Variants in TCF7L2 observed in about 807,000 individuals in gnomAD.
TCF7L2 encodes transcription factor 7-like 2.
Under a neutral mutation model 77.9 loss-of-function variants are expected in TCF7L2, and 23 were observed. The ratio of observed to expected loss-of-function variants is 0.30; its 90% confidence interval spans 0.21 to 0.42. The LOEUF (loss-of-function observed/expected upper bound fraction) is 0.42. Ranked by LOEUF, TCF7L2 falls within the 10% of genes least tolerant of loss-of-function variation. TCF7L2 has a pLI of 1.00. For synonymous variants in TCF7L2, 413 were observed against 340.2 expected, an observed-to-expected ratio of 1.21 and a Z score of -2.36; for missense variants, 654 against 793.1, an observed-to-expected ratio of 0.82 and a Z score of 2.11.
intron 5 of TCF7L2, among the ~76,000 whole-genome samples, chr10:113,051,608 C>T (rs1404743791): frequency 6.6e-6 from 1 of 152,168 alleles, no homozygotes; most frequent in Non-Finnish European, 1.5e-5. Flanking sequence ...GGTTTGTGGT[C>T]GTCTGAGGAC....
At position 112,979,716 on chromosome 10, in the gene TCF7L2, A is replaced by G. The variant is rs898825325; in HGVS notation, c.450+15092A>G. 2.0e-5 allele frequency among the ~76,000 whole-genome samples: 3 copies of G among 152,052 alleles called. No homozygotes were observed. The South Asian group carries it at 6.2e-4, about 31-fold the overall frequency. ...GGTTGCAGTGAGCAGAGATGGCGCCACTGTACTCCAGCCTAGGTGACGGAG... is the reference window on the plus strand; with the variant it reads ...GGTTGCAGTGAGCAGAGATGGCGCCGCTGTACTCCAGCCTAGGTGACGGAG... On this transcript the variant is annotated intron_variant, in intron 4 of 13. Transcript: ENST00000627217.
rs534496704 is a variant in TCF7L2 at position 113,017,511 on chromosome 10, G to T, written c.451-22514G>T. ...CATCTTTAAATACAAATTCTTGGGG[G>T]AACCCTGTGTTCCTTGGCTGGAGCC... On this transcript the variant is annotated intron_variant, in intron 4 of 13. Coordinates refer to ENST00000627217, the MANE Select transcript of TCF7L2 (RefSeq NM_001146274.2). Among the ~76,000 whole-genome samples the T allele has an allele frequency of 2.0e-4, 30 of 152,328 alleles. No individual in the cohort carries two copies. In the South Asian group the frequency reaches 6.0e-3, roughly 31 times the overall value.
At chr10:113,110,741 G>T (rs2063023664) in intron 5 of TCF7L2, among the ~76,000 whole-genome samples, 2 of 152,182 alleles carry the variant, frequency 1.3e-5, no homozygotes, top group African/African-American at 4.8e-5. Flanking sequence ...AAGTATGGAA[G>T]TACAAGAAAG....
rs1356500208 is a variant in TCF7L2, at chr10:113,165,635, A to G, written c.1472A>G (p.Asp491Gly). 1.2e-6 allele frequency: 2 copies of G among 1,613,186 alleles called. No homozygotes were observed. The highest frequency in any genetic ancestry group is 1.7e-5 in the Admixed American group (1 of 59,898). Residue 491 changes from aspartate (D) to glycine (G), a missense_variant, in exon 14 of 14, where the codon GAT (aspartate) becomes GGT (glycine). By Grantham distance (94) the Asp-to-Gly change is moderately conservative. Transcript: ENST00000627217. ...CCCTCTTCAGATGGAAGCTTACTAG[A>G]TTCGCCTCCCCCCTCCCCGAACCTG...
intron 3 of TCF7L2, chr10:112,951,894 G>C (rs1199982463): frequency 1.2e-5 from 1 of 86,920 alleles, no homozygotes; most frequent in Non-Finnish European, 2.8e-5. Context: ...TTGGTGGGGA[G>C]GGGGGGGAAT....
intron 4 of TCF7L2, among the ~76,000 whole-genome samples, chr10:112,974,984 C>CT (rs35180958): frequency 0.64 from 93,656 of 147,140 alleles, 30,188 homozygotes; most frequent in African/African-American, 0.74. Flanking sequence ...TTTTCTTTTT[C>CT]TTTTTTTTTT....
At chr10:112,998,156 C>G (rs983423326) in intron 4 of TCF7L2, among the ~76,000 whole-genome samples, 1 of 149,118 alleles carries the variant, frequency 6.7e-6, no homozygotes. Context: ...CCAGTCTAGG[C>G]TTGAACTCCT....
At chr10:113,009,475 G>C (rs535968523) in intron 4 of TCF7L2, among the ~76,000 whole-genome samples, 1 of 152,306 alleles carries the variant, frequency 6.6e-6, no homozygotes, top group South Asian at 2.1e-4. Flanking sequence ...CTTGTTGAAA[G>C]GCATCTCCTG....
At chr10:113,018,702 G>A (rs149465784) in intron 4 of TCF7L2, among the ~76,000 whole-genome samples, 80 of 152,078 alleles carry the variant, frequency 5.3e-4, no homozygotes, top group East Asian at 9.7e-4. Context: ...TCCTGACCTC[G>A]AGTGATCCGC....
Position 112,983,365 on chromosome 10 carries a change from G to A in TCF7L2, c.450+18741G>A, listed in dbSNP as rs187663786. ...GGGCGCCTGTAGTCCCAGCTACTCC[G>A]GAGGCTGAGGCAGGGGAATGGTGTA... On this transcript the variant is annotated intron_variant, in intron 4 of 13. Coordinates refer to ENST00000627217, the MANE Select transcript of TCF7L2 (RefSeq NM_001146274.2). 2.5e-3 allele frequency among the ~76,000 whole-genome samples: 379 copies of A among 152,142 alleles called. 2 individuals carry two copies. Among genetic ancestry groups the A allele is most frequent in the Non-Finnish European group, 4.6e-3 (310 of 67,998 alleles).
chr10:113,082,131 AT>A (rs10583826), intron 5 of TCF7L2, among the ~76,000 whole-genome samples: 25,809 of 135,322 alleles, frequency 0.19, 2,222 homozygotes, highest in South Asian at 0.28. Context: ...AGCCACTACC[AT>A]TTTTTTTTTT....
chr10:113,076,161 A>G (rs1249034016), intron 5 of TCF7L2, among the ~76,000 whole-genome samples: 1 of 148,140 alleles, frequency 6.8e-6, no homozygotes, highest in Non-Finnish European at 1.5e-5. Context: ...AAAAAAAGAC[A>G]GGATCTTGCT....
At chr10:113,016,652 A>G (rs1350466720) in intron 4 of TCF7L2, among the ~76,000 whole-genome samples, 1 of 151,958 alleles carries the variant, frequency 6.6e-6, no homozygotes, top group Non-Finnish European at 1.5e-5. Context: ...CTTCGACTGG[A>G]ATTGAATTCA....
rs1444193887 is a variant in TCF7L2, at chr10:113,166,495, T to A, written c.*523T>A. The A allele has an allele frequency of 9.0e-6, 2 of 222,164 alleles. No homozygotes were observed. Among genetic ancestry groups the A allele is most frequent in the Non-Finnish European group, 1.8e-5 (2 of 111,240 alleles). 13.8% of individuals were successfully genotyped at this position (222,164 alleles called of 1,614,324 possible). On this transcript the variant is annotated 3_prime_UTR_variant, in exon 14 of 14. Transcript: ENST00000627217. ...TGTGAAACAACTCTTATTGTGATGT[T>A]ACTTGTTATTGTTTAAATGTACAGA...
chr10:113,112,776 T>C (rs1176083790), intron 5 of TCF7L2, among the ~76,000 whole-genome samples: 1 of 152,198 alleles, frequency 6.6e-6, no homozygotes, highest in East Asian at 1.9e-4. Flanking sequence ...TATGGAGGCA[T>C]GTTGTCTTTC....
At chr10:113,141,521 C>T (rs2068381578) in intron 6 of TCF7L2, among the ~76,000 whole-genome samples, 4 of 152,122 alleles carry the variant, frequency 2.6e-5, no homozygotes, top group Admixed American at 2.6e-4. Context: ...TTTTCCACTC[C>T]CTTTGGAGAA....
intron 5 of TCF7L2, among the ~76,000 whole-genome samples, chr10:113,118,228 A>C (rs912421155): frequency 5.9e-5 from 9 of 152,066 alleles, no homozygotes; most frequent in African/African-American, 1.9e-4. Flanking sequence ...ATGGGTGATA[A>C]TTAGGTGAAG....
intron 5 of TCF7L2, among the ~76,000 whole-genome samples, chr10:113,047,707 G>A (rs966699482): frequency 2.6e-5 from 4 of 152,084 alleles, no homozygotes; most frequent in African/African-American, 9.7e-5. Flanking sequence ...TCGATGCTAT[G>A]TGTGAGCTGG....
chr10:113,054,838 TTTC>T (rs1288534733), intron 5 of TCF7L2, among the ~76,000 whole-genome samples: 14 of 152,086 alleles, frequency 9.2e-5, no homozygotes, highest in Non-Finnish European at 1.8e-4. Context: ...TGCAGCATGT[TTTC>T]TTTTATTTTT....
Sources: gnomAD v4.1 joint callset for allele counts (sites outside exome capture counted in the v4.1 genomes callset) on GRCh38, gnomAD v4.1.1 for gene constraint, MANE v1.5 for transcripts, NCBI Gene and HGNC (gene_info 2026-07-23, HGNC 2026-07-21) for gene names.